Variants in OSBP observed in about 807,000 individuals in gnomAD.
OSBP encodes oxysterol-binding protein 1.
OSBP carries 32 observed loss-of-function variants against 96.6 expected under a neutral mutation model. That is an observed-to-expected ratio of 0.33 (90% CI 0.25 to 0.45). The LOEUF is 0.45. Among genes scored for constraint, OSBP ranks in the 20% least tolerant of loss-of-function variants. OSBP has a pLI of 1.00. For synonymous variants in OSBP, 369 were observed against 389.6 expected (o/e 0.95, Z 0.62); for missense variants, 653 against 1,029.7 (o/e 0.63, Z 5.01).
At chr11:59,615,179 C>G (rs1860907078) in intron 1 of OSBP, 124 bp downstream of exon 1, 1 of 747,182 alleles carries the variant, frequency 1.3e-6, no homozygotes, top group African/African-American at 1.8e-5. Context: ...TCAATCCGCA[C>G]AGATGACGAA....
At chr11:59,588,163 T>A (rs1026444291) in intron 9 of OSBP, among the ~76,000 whole-genome samples, 2 of 152,220 alleles carry the variant, frequency 1.3e-5, no homozygotes, top group African/African-American at 4.8e-5. Flanking sequence ...ATTCCACTTA[T>A]AGGAGATAAT....
At chr11:59,613,491 C>T (rs1590681152) in intron 1 of OSBP, among the ~76,000 whole-genome samples, 2 of 152,122 alleles carry the variant, frequency 1.3e-5, no homozygotes, top group Admixed American at 1.3e-4. Flanking sequence ...TGACCACATA[C>T]GAAGGCCCTG....
intron 9 of OSBP, among the ~76,000 whole-genome samples, chr11:59,589,004 G>GA (rs1318009791): frequency 4.6e-5 from 7 of 150,846 alleles, no homozygotes; most frequent in African/African-American, 1.5e-4. Flanking sequence ...GACTCCGTCT[G>GA]AAAAAAATAA....
chr11:59,604,169 G>C (rs955220502), intron 3 of OSBP, among the ~76,000 whole-genome samples: 2 of 152,052 alleles, frequency 1.3e-5, no homozygotes, highest in African/African-American at 4.8e-5. Context: ...AGTAACAATA[G>C]AGTAACTACC....
rs1354356860 is a variant in OSBP at position 59,608,601 on chromosome 11, C to T, written c.705G>A (p.Leu235=). 6.2e-7 allele frequency: 1 copy of T among 1,614,036 alleles called. No individual in the cohort carries two copies. Among genetic ancestry groups the T allele is most frequent in the Non-Finnish European group, 8.5e-7 (1 of 1,180,024 alleles). Residue 235 remains leucine, a synonymous_variant, in exon 3 of 14, where the codon CTG becomes CTA. Coordinates refer to ENST00000263847, the MANE Select transcript of OSBP (RefSeq NM_002556.3). ...ACTCCAGCTCACTGAGAGAACGCTG[C>T]AGAGCTGTGCCATGCTTAGCTATCA... ...NDLIAKHGTA[L]QRSLSELESL... is the part of the protein sequence containing the mutation.
intron 7 of OSBP, among the ~76,000 whole-genome samples, chr11:59,595,821 G>A (rs1006790529): frequency 7.9e-5 from 12 of 151,688 alleles, no homozygotes; most frequent in African/African-American, 2.7e-4. Flanking sequence ...GCGTGCACCT[G>A]TAGTCTCAGT....
chr11:59,615,241 G>A (rs1860907903), intron 1 of OSBP, 62 bp downstream of exon 1: 2 of 1,399,556 alleles, frequency 1.4e-6, no homozygotes, highest in African/African-American at 1.4e-5. Flanking sequence ...TAATGCCGGA[G>A]CTGGGACTGT....
At chr11:59,583,873 C>T (rs867244887) in intron 9 of OSBP, among the ~76,000 whole-genome samples, 28 of 149,846 alleles carry the variant, frequency 1.9e-4, no homozygotes, top group African/African-American at 6.6e-4. Flanking sequence ...CTACTGACCT[C>T]GTGATCTGCC....
At chr11:59,605,111 C>T (rs990877642) in intron 3 of OSBP, among the ~76,000 whole-genome samples, 1 of 150,586 alleles carries the variant, frequency 6.6e-6, no homozygotes, top group Non-Finnish European at 1.5e-5. Flanking sequence ...TGAGATCACA[C>T]TATTGCACTC....
intron 7 of OSBP, among the ~76,000 whole-genome samples, chr11:59,595,441 A>G (rs1442909455): frequency 6.6e-6 from 1 of 152,010 alleles, no homozygotes; most frequent in African/African-American, 2.4e-5. Context: ...ATTTTTGTTC[A>G]CCCTTCTACC....
In OSBP at chr11:59,615,726, G is replaced by T; in HGVS notation, c.-62C>A. The T allele has an allele frequency of 8.0e-7, 1 of 1,248,074 alleles. No individual in the cohort carries two copies. Among genetic ancestry groups the T allele is most frequent in the African/African-American group, 1.6e-5 (1 of 63,918 alleles). 77.3% of individuals were successfully genotyped at this position (1,248,074 alleles called of 1,614,324 possible). ...CCTACGAGAGCCGCCGTCGCCGCCCGGAGCGCCCCACACGGCTACCGCATC... is the reference window on the plus strand; with the variant it reads ...CCTACGAGAGCCGCCGTCGCCGCCCTGAGCGCCCCACACGGCTACCGCATC... On this transcript the variant is annotated 5_prime_UTR_variant, in exon 1 of 14. Coordinates refer to ENST00000263847, the MANE Select transcript of OSBP (RefSeq NM_002556.3).
chr11:59,597,393 A>G (rs1860672620), intron 7 of OSBP, among the ~76,000 whole-genome samples: 1 of 152,102 alleles, frequency 6.6e-6, no homozygotes, highest in Non-Finnish European at 1.5e-5. Context: ...TGAGACTGCA[A>G]TGACATGCCT....
intron 10 of OSBP, among the ~76,000 whole-genome samples, chr11:59,580,499 A>G (rs971115325): frequency 1.3e-5 from 2 of 152,194 alleles, no homozygotes; most frequent in Non-Finnish European, 2.9e-5. Flanking sequence ...CACATGTTAG[A>G]TGGCATGATT....
intron 1 of OSBP, among the ~76,000 whole-genome samples, chr11:59,614,916 A>C (rs1860902595): frequency 6.6e-6 from 1 of 152,184 alleles, no homozygotes; most frequent in Non-Finnish European, 1.5e-5. Flanking sequence ...CCTTGGGAGG[A>C]GTGCCTCGGG....
chr11:59,582,846 C>A (rs1455729427), intron 9 of OSBP, among the ~76,000 whole-genome samples: 2 of 152,146 alleles, frequency 1.3e-5, no homozygotes, highest in African/African-American at 2.4e-5. Context: ...GATAACACGT[C>A]CTGTTGTGCA....
chr11:59,590,063 T>C (rs565705949), intron 9 of OSBP, among the ~76,000 whole-genome samples: 4 of 152,318 alleles, frequency 2.6e-5, no homozygotes, highest in Admixed American at 2.0e-4. Flanking sequence ...TCTAGAAGCA[T>C]TCTTCTTTCC....
chr11:59,588,565 T>G (rs2134659085), intron 9 of OSBP, among the ~76,000 whole-genome samples: 1 of 150,754 alleles, frequency 6.6e-6, no homozygotes, highest in South Asian at 2.1e-4. Context: ...TATTTTTTAA[T>G]GTATATAGAG....
chr11:59,589,293 G>C (rs1391858021), intron 9 of OSBP, among the ~76,000 whole-genome samples: 3 of 149,508 alleles, frequency 2.0e-5, no homozygotes, highest in Non-Finnish European at 4.4e-5. Flanking sequence ...TGTGCCAATA[G>C]TCTTAATTAA....
rs148176984 is a variant in OSBP, at chr11:59,611,511, A to G, written c.363-922T>C. On this transcript the variant is annotated intron_variant, in intron 1 of 13. Coordinates refer to ENST00000263847, the MANE Select transcript of OSBP (RefSeq NM_002556.3). ...CCAATGTTACATCATGCTTAGAGTT[A>G]TATCGCAGAAGTGTAAAAAAAGCAC... is the stretch of plus-strand genomic sequence containing the variant. 4.5e-3 allele frequency among the ~76,000 whole-genome samples: 679 copies of G among 152,346 alleles called. 5 individuals carry two copies. The highest frequency in any genetic ancestry group is 5.5e-3 in the Non-Finnish European group (371 of 68,018).
Sources: gnomAD v4.1 joint callset for allele counts (sites outside exome capture counted in the v4.1 genomes callset) on GRCh38, gnomAD v4.1.1 for gene constraint, MANE v1.5 for transcripts, NCBI Gene and HGNC (gene_info 2026-07-23, HGNC 2026-07-21) for gene names.